The following DGKB variants were observed in gnomAD, a reference collection of about 807,000 sequenced individuals.
DGKB encodes the protein diacylglycerol kinase beta.
A neutral mutation model predicts 114.3 loss-of-function variants in DGKB; 67 were observed. The ratio of observed to expected loss-of-function variants is 0.59; its 90% CI spans 0.48 to 0.72. The LOEUF (loss-of-function observed/expected upper bound fraction) is 0.72. Among genes scored for constraint, DGKB ranks in the 30% least tolerant of loss-of-function variants. DGKB has a pLI of 0.00. For synonymous variants in DGKB, 398 were observed against 323.1 expected, an observed-to-expected ratio of 1.23 and a Z score of -2.49; for missense variants, 907 against 975.2, an observed-to-expected ratio of 0.93 and a Z score of 0.93.
chr7:14,829,981 G>A (rs1443404591), intron 2 of DGKB, among the ~76,000 whole-genome samples: 1 of 152,044 alleles, frequency 6.6e-6, no homozygotes, highest in Admixed American at 6.6e-5. Flanking sequence ...TAGGAAGAGA[G>A]AAGGCTCTAG....
intron 21 of DGKB, among the ~76,000 whole-genome samples, chr7:14,397,425 G>A (rs1351254972): frequency 6.6e-6 from 1 of 152,056 alleles, no homozygotes; most frequent in Non-Finnish European, 1.5e-5. Flanking sequence ...GAAATATTCT[G>A]TAAGTATATT....
intron 2 of DGKB, among the ~76,000 whole-genome samples, chr7:14,813,087 C>A (rs918691954): frequency 2.0e-5 from 3 of 152,118 alleles, no homozygotes; most frequent in Non-Finnish European, 4.4e-5. Flanking sequence ...TTTTCTCTAA[C>A]TTTTTCAATG....
intron 2 of DGKB, among the ~76,000 whole-genome samples, chr7:14,776,619 G>A (rs1330786066): frequency 1.3e-5 from 2 of 152,232 alleles, no homozygotes; most frequent in African/African-American, 4.8e-5. Context: ...GGTCCTGTGG[G>A]TACACAGAAG....
In DGKB at chr7:14,778,359, T is replaced by C. The variant is rs1031714032; in HGVS notation, c.71-20628A>G. ...AATACCCACGACCTGTTTTCTTGTT[T>C]TTTTTTCATAGAACCTAGTGCATAA... On this transcript the variant is annotated intron_variant, in intron 2 of 25. Transcript: ENST00000402815. 8.5e-5 allele frequency among the ~76,000 whole-genome samples: 13 copies of C among 152,224 alleles called. 1 individual carries two copies. Among genetic ancestry groups the C allele is most frequent in the Admixed American group, 6.5e-5 (1 of 15,280 alleles).
chr7:14,178,151 T>C lies in DGKB; in HGVS notation c.2123A>G (p.Asp708Gly). The change falls in exon 24 of 26, where the codon GAT becomes GGT. Residue 708 changes from aspartate (D) to glycine (G), a missense_variant and splice_region_variant. This residue lies in a region of DGKB where 814 missense variants were observed against 856.6 expected (regional missense o/e 0.95). Transcript: ENST00000402815. ...DAKELKFASQ[D>G]LSDQLLEVVG... Reference sequence around the variant, plus strand: ...CACCTCCAGCAGCTGGTCACTGAGATCTGAAAGAAAGTAGATGCCTTTTAA... The same window carrying C: ...CACCTCCAGCAGCTGGTCACTGAGACCTGAAAGAAAGTAGATGCCTTTTAA... The C allele has an allele frequency of 1.9e-6, 3 of 1,613,416 alleles. No homozygotes were observed. Among genetic ancestry groups the C allele is most frequent in the Non-Finnish European group, 2.5e-6 (3 of 1,179,760 alleles).
chr7:14,165,584 C>T (rs1358729024), intron 25 of DGKB, among the ~76,000 whole-genome samples: 1 of 152,030 alleles, frequency 6.6e-6, no homozygotes, highest in Non-Finnish European at 1.5e-5. Flanking sequence ...CCTATTGTTT[C>T]TTGAACTAAA....
chr7:14,783,966 TTTC>T (rs1269346465), intron 2 of DGKB, among the ~76,000 whole-genome samples: 4 of 152,146 alleles, frequency 2.6e-5, no homozygotes, highest in African/African-American at 9.7e-5. Flanking sequence ...TTGAGGAAAT[TTTC>T]TTGTTTTCCT....
intron 16 of DGKB, among the ~76,000 whole-genome samples, chr7:14,608,416 C>G (rs1307250030): frequency 2.0e-5 from 3 of 151,840 alleles, no homozygotes; most frequent in African/African-American, 4.8e-5. Flanking sequence ...CTTCAACAGA[C>G]TAGACATCAA....
intron 17 of DGKB, among the ~76,000 whole-genome samples, chr7:14,588,737 T>C (rs1394494212): frequency 6.6e-6 from 1 of 152,138 alleles, no homozygotes; most frequent in African/African-American, 2.4e-5. Context: ...TACATTTCTA[T>C]TTCTATTCTC....
chr7:14,640,828 T>C (rs1811636587), intron 13 of DGKB, among the ~76,000 whole-genome samples: 1 of 152,212 alleles, frequency 6.6e-6, no homozygotes, highest in Non-Finnish European at 1.5e-5. Flanking sequence ...TCAGCAGGAA[T>C]CATTAAAACT....
At chr7:14,938,291 G>A (rs1377650714) in intron 1 of DGKB, among the ~76,000 whole-genome samples, 2 of 152,126 alleles carry the variant, frequency 1.3e-5, no homozygotes, top group Non-Finnish European at 2.9e-5. Flanking sequence ...AATTTTAAAG[G>A]TGGTATCTAA....
chr7:14,383,305 G>C (rs1819781987), intron 21 of DGKB, among the ~76,000 whole-genome samples: 1 of 152,106 alleles, frequency 6.6e-6, no homozygotes. Context: ...CAATACCTAA[G>C]AAAGTCAATG....
intron 7 of DGKB, among the ~76,000 whole-genome samples, chr7:14,699,067 T>G (rs1824632132): frequency 6.6e-6 from 1 of 151,908 alleles, no homozygotes. Context: ...TAAAACAGAT[T>G]CTCTTTTGGG....
At chr7:14,643,967 C>A (rs1363711673) in intron 13 of DGKB, among the ~76,000 whole-genome samples, 2 of 152,188 alleles carry the variant, frequency 1.3e-5, no homozygotes, top group Admixed American at 1.3e-4. Context: ...GGGTCTACTG[C>A]CACCAACACC....
At chr7:14,426,192 C>T (rs1015278939) in intron 21 of DGKB, among the ~76,000 whole-genome samples, 1 of 152,148 alleles carries the variant, frequency 6.6e-6, no homozygotes, top group Non-Finnish European at 1.5e-5. Context: ...CTCAGATTAC[C>T]TACAGGCCTG....
chr7:14,518,416 C>T (rs1209928453), intron 20 of DGKB, among the ~76,000 whole-genome samples: 1 of 151,778 alleles, frequency 6.6e-6, no homozygotes, highest in East Asian at 1.9e-4. Flanking sequence ...CCATGACACA[C>T]AACACATAAT....
chr7:14,209,142 G>A (rs1319444340), intron 23 of DGKB: 2 of 263,612 alleles, frequency 7.6e-6, no homozygotes, highest in Non-Finnish European at 1.5e-5. Context: ...GAGGACATGA[G>A]TATAAGCCTG....
chr7:14,616,815 T>C (rs1351403436), intron 15 of DGKB, among the ~76,000 whole-genome samples: 1 of 151,738 alleles, frequency 6.6e-6, no homozygotes, highest in Admixed American at 6.6e-5. Context: ...GATACAGTAA[T>C]ACGGTTTCAC....
At chr7:14,227,939 G>T (rs996855862) in intron 23 of DGKB, among the ~76,000 whole-genome samples, 1 of 151,908 alleles carries the variant, frequency 6.6e-6, no homozygotes, top group African/African-American at 2.4e-5. Context: ...CAAGATTTTT[G>T]TTATTGTTGT....
Sources: allele counts gnomAD v4.1 joint callset (sites outside exome capture counted in the v4.1 genomes callset), GRCh38; gene constraint gnomAD v4.1.1; regional missense constraint gnomAD v4.1.1; transcripts MANE v1.5; gene names NCBI Gene and HGNC (gene_info 2026-07-23, HGNC 2026-07-21).